Variants in SYTL2 observed in about 807,000 individuals in gnomAD.
SYTL2 encodes synaptotagmin like 2, also known as synaptotagmin-like protein 2.
SYTL2 carries 165 observed loss-of-function variants against 198.7 expected under a neutral mutation model. The ratio of observed to expected loss-of-function variants is 0.83; its 90% CI spans 0.73 to 0.94. SYTL2 has a LOEUF of 0.94. SYTL2 is among the 40% of genes least tolerant of loss of function. The pLI is 0.00. For missense variants in SYTL2, 2,835 were observed against 2,582.8 expected (o/e 1.10, Z -2.12); for synonymous variants, 966 against 917.7 (o/e 1.05, Z -0.95).
chr11:85,696,137 T>C (rs1315823952), intron 19 of SYTL2, 46 bp downstream of exon 19: 2 of 1,540,392 alleles, frequency 1.3e-6, no homozygotes, highest in Admixed American at 1.7e-5. Flanking sequence ...CTAGTATCTC[T>C]AGAAAAATTT....
intron 2 of SYTL2, among the ~76,000 whole-genome samples, chr11:85,748,859 A>G (rs545142892): frequency 1.3e-5 from 2 of 152,360 alleles, no homozygotes; most frequent in Admixed American, 6.5e-5. Context: ...AATTCATTCA[A>G]TAGCTCTCTG....
intron 7 of SYTL2, among the ~76,000 whole-genome samples, chr11:85,732,261 T>C (rs2089898646): frequency 6.6e-6 from 1 of 152,198 alleles, no homozygotes; most frequent in Non-Finnish European, 1.5e-5. Context: ...TAAAGTATTA[T>C]AAATCATTCT....
chr11:85,812,840 A>T (rs1359054527), upstream of SYTL2, among the ~76,000 whole-genome samples: 1 of 152,140 alleles, frequency 6.6e-6, no homozygotes, highest in East Asian at 1.9e-4. Flanking sequence ...CCTGTTGGTG[A>T]TGGCTGTTGG....
chr11:85,736,684 CTAT>C (rs1591818328), intron 5 of SYTL2, 69 bp from the exon 6 acceptor site: 1 of 792,136 alleles, frequency 1.3e-6, no homozygotes, highest in Non-Finnish European at 2.1e-6. Flanking sequence ...TGGCAAATGC[CTAT>C]TATCTTCAAT....
At chr11:85,700,631 C>CAGGATGAAAAG in intron 16 of SYTL2, 38 bp from the exon 17 acceptor site, 1 of 1,500,772 alleles carries the variant, frequency 6.7e-7, no homozygotes, top group Non-Finnish European at 9.3e-7. Flanking sequence ...GGGAGACAAA[C>CAGGATGAAAAG]TTTTCATCCT....
rs113206695 is a variant in SYTL2 at position 85,741,071 on chromosome 11, G to GT, written c.390-3416dup. Among the ~76,000 whole-genome samples the GT allele has an allele frequency of 5.2e-3, 751 of 145,362 alleles. 1 individual carries two copies. Among genetic ancestry groups the GT allele is most frequent in the African/African-American group, 9.8e-3 (393 of 39,938 alleles). ...AGTAGCAGATATGCCTTTTTCTGAG[G>GT]TTTTTTTTTTTTTCTTAGCTTAAAT... On this transcript the variant is annotated intron_variant, in intron 4 of 19. Transcript: ENST00000359152.
intron 1 of SYTL2, among the ~76,000 whole-genome samples, chr11:85,771,558 C>T (rs2092355484): frequency 6.6e-6 from 1 of 152,218 alleles, no homozygotes; most frequent in African/African-American, 2.4e-5. Context: ...GATTCTCCTT[C>T]ATTCCTTGGT....
chr11:85,734,764 G>A, intron 6 of SYTL2, 22 bp from the exon 7 acceptor site: 2 of 1,550,494 alleles, frequency 1.3e-6, no homozygotes, highest in South Asian at 1.1e-5. Context: ...AACACAGTAG[G>A]TGATATATCA....
At chr11:85,698,188 T>C (rs888541604) in intron 17 of SYTL2, 110 bp from the exon 18 acceptor site, 23 of 698,018 alleles carry the variant, frequency 3.3e-5, no homozygotes, top group Non-Finnish European at 5.3e-5. Context: ...TAGCTAGTAT[T>C]TGATGATATC....
At chr11:85,733,713 C>T (rs1442738918) in intron 7 of SYTL2, 2 of 398,996 alleles carry the variant, frequency 5.0e-6, no homozygotes, top group Non-Finnish European at 4.5e-6. Flanking sequence ...CATTCTCCTG[C>T]CTCAGCCTCC....
At chr11:85,732,716 C>T (rs1396073777) in intron 7 of SYTL2, among the ~76,000 whole-genome samples, 3 of 152,068 alleles carry the variant, frequency 2.0e-5, no homozygotes, top group Non-Finnish European at 4.4e-5. Flanking sequence ...ACGTTCTTCA[C>T]ATGTATCCCA....
At position 85,724,865 on chromosome 11, in the gene SYTL2, C is replaced by A; in HGVS notation, c.4493G>T (p.Ser1498Ile). The A allele has an allele frequency of 1.9e-6, 3 of 1,614,090 alleles. No homozygotes were observed. The highest frequency in any genetic ancestry group is 1.7e-5 in the Admixed American group (1 of 60,016). Residue 1498 changes from serine (S) to isoleucine (I), a missense_variant, in exon 8 of 20, where the codon AGT (serine) becomes ATT (isoleucine). Ser to Ile is a moderately radical substitution (Grantham distance 142). Around this residue, in one of 3 missense-constraint regions of SYTL2, gnomAD observed 2,645 missense variants for 2,381.7 expected, o/e 1.11. Coordinates refer to ENST00000359152, the MANE Select transcript of SYTL2 (RefSeq NM_206927.4). ...CTTCAGTAGTTTTTCTAAGCCAGCA[C>A]TGAATTCGAGGAACTCTGATTTGGG... ...VQPKSEFLEF[S>I]AGLEKLLKEE... is the part of the protein sequence containing the mutation.
rs1015963930 is a variant in SYTL2 at position 85,724,965 on chromosome 11, C to T, written c.4393G>A (p.Ala1465Thr). Residue 1465 changes from alanine to threonine, a missense_variant, in exon 8 of 20, where the codon GCT (alanine) becomes ACT (threonine). By Grantham distance (58) the Ala-to-Thr change is moderately conservative. This residue lies in a region of SYTL2 where 2,645 missense variants were observed against 2,381.7 expected (regional missense o/e 1.11). Transcript: ENST00000359152. ...TTGCCATATTGAGCAACAATGGAAGCAAATGAGCTAAGCGTCTGGTCTGAT... is the reference window on the plus strand; with the variant it reads ...TTGCCATATTGAGCAACAATGGAAGTAAATGAGCTAAGCGTCTGGTCTGAT... ...SPSDQTLSSF[A>T]SIVAQYGKGL... 1.2e-6 allele frequency: 2 copies of T among 1,613,650 alleles called. No individual in the cohort carries two copies. Among genetic ancestry groups the T allele is most frequent in the Non-Finnish European group, 1.7e-6 (2 of 1,179,826 alleles).
the SYTL2 span, among the ~76,000 whole-genome samples, chr11:85,832,341 C>T: frequency 4.6e-5 from 7 of 152,272 alleles, no homozygotes; most frequent in African/African-American, 1.7e-4. Context: ...ATAGCAAGAA[C>T]ATTGCAGAGC....
chr11:85,727,120 G>C lies in SYTL2; in HGVS notation c.2238C>G (p.Ser746=). The C allele has an allele frequency of 6.5e-7, 1 of 1,535,960 alleles. No homozygotes were observed. Among genetic ancestry groups the C allele is most frequent in the Non-Finnish European group, 8.7e-7 (1 of 1,146,806 alleles). ...KVGNTYILKA[S]LEPENIKSTP... is the part of the protein sequence containing the mutation. ...TTGACTTAATATTCTCTGGCTCTAAGGAGGCTTTCAGGATATAGGTATTTC... is the reference window on the plus strand; with the variant it reads ...TTGACTTAATATTCTCTGGCTCTAACGAGGCTTTCAGGATATAGGTATTTC... Residue 746 remains serine, a synonymous_variant, in exon 8 of 20, where the codon TCC becomes TCG. Coordinates refer to ENST00000359152, the MANE Select transcript of SYTL2 (RefSeq NM_206927.4).
At chr11:85,733,648 G>C (rs1217998378) in intron 7 of SYTL2, 1 of 167,714 alleles carries the variant, frequency 6.0e-6, no homozygotes, top group Non-Finnish European at 1.1e-5. Flanking sequence ...GCCGGACTGC[G>C]GACTGCAGTG....
In SYTL2 at chr11:85,725,557, T is replaced by C; in HGVS notation, c.3801A>G (p.Leu1267=). 2 of 1,614,110 alleles carry C rather than the reference T, an allele frequency of 1.2e-6. No individual in the cohort carries two copies. The highest frequency in any genetic ancestry group is 1.7e-6 in the Non-Finnish European group (2 of 1,179,974). Residue 1267 remains leucine (L), a synonymous_variant, in exon 8 of 20, where the codon CTA becomes CTG. Transcript: ENST00000359152. ...HNTSADKREI[L]APFPVRDETF... is the part of the protein sequence containing the mutation. ...TTTCATCTCTCACTGGAAAAGGAGCTAGTATTTCTCTCTTATCAGCTGAAG... is the reference window on the plus strand; with the variant it reads ...TTTCATCTCTCACTGGAAAAGGAGCCAGTATTTCTCTCTTATCAGCTGAAG...
intron 11 of SYTL2, 26 bp downstream of exon 11, chr11:85,717,457 T>C (rs1382709896): frequency 3.1e-6 from 5 of 1,601,530 alleles, no homozygotes; most frequent in Non-Finnish European, 4.3e-6. Flanking sequence ...TGTTTAGTCA[T>C]TTGTGAGAAA....
At chr11:85,714,019 T>C (rs570980985) in intron 12 of SYTL2, among the ~76,000 whole-genome samples, 2 of 152,382 alleles carry the variant, frequency 1.3e-5, no homozygotes, top group South Asian at 4.1e-4. Context: ...AAGCTTGATG[T>C]GTCATTGTTA....
Sources: gnomAD v4.1 joint callset for allele counts (sites outside exome capture counted in the v4.1 genomes callset) on GRCh38, gnomAD v4.1.1 for gene constraint, gnomAD v4.1.1 regional missense constraint, MANE v1.5 for transcripts, NCBI Gene and HGNC (gene_info 2026-07-23, HGNC 2026-07-21) for gene names.